The following ULK4 variants were observed in gnomAD, a reference collection of about 807,000 sequenced individuals.
ULK4 encodes unc-51 like kinase 4.
Under a neutral mutation model 160.6 loss-of-function variants are expected in ULK4, and 133 were observed. The observed-to-expected ratio is 0.83, with a 90% CI of 0.72 to 0.96. The LOEUF is 0.96. ULK4 is among the 40% of genes least tolerant of loss of function. The pLI, the probability that ULK4 is intolerant of heterozygous loss-of-function variation, is 0.00. For missense variants in ULK4, 1,580 were observed against 1,499.5 expected, an observed-to-expected ratio of 1.05 and a Z score of -0.89; for synonymous variants, 534 against 539.8, an observed-to-expected ratio of 0.99 and a Z score of 0.15.
At chr3:41,826,520 T>A (rs1291369072) in intron 18 of ULK4, among the ~76,000 whole-genome samples, 2 of 150,792 alleles carry the variant, frequency 1.3e-5, no homozygotes, top group Admixed American at 6.6e-5. Context: ...TAGTCTCTGA[T>A]AAAACAGACT....
At chr3:41,735,327 T>C (rs866486086) in intron 22 of ULK4, among the ~76,000 whole-genome samples, 3 of 152,140 alleles carry the variant, frequency 2.0e-5, no homozygotes, top group Admixed American at 1.3e-4. Flanking sequence ...GGCCCATTTA[T>C]ATTGTGTAAA....
chr3:41,872,807 T>A (rs1697146795), intron 17 of ULK4, among the ~76,000 whole-genome samples: 1 of 151,842 alleles, frequency 6.6e-6, no homozygotes, highest in African/African-American at 2.4e-5. Flanking sequence ...AAACTGCAGT[T>A]GAAAAATTAT....
chr3:41,472,841 G>C (rs1229045149), intron 32 of ULK4, among the ~76,000 whole-genome samples: 1 of 152,126 alleles, frequency 6.6e-6, no homozygotes, highest in African/African-American at 2.4e-5. Flanking sequence ...AAAGGCCACT[G>C]TCTTTGATAA....
chr3:41,900,747 G>A lies in ULK4; in HGVS notation c.1265C>T (p.Thr422Ile), dbSNP rs780769114. The change falls in exon 13 of 37, where the codon ACC (threonine) becomes ATC (isoleucine). Residue 422 changes from threonine to isoleucine, a missense_variant. Coordinates refer to ENST00000301831, the MANE Select transcript of ULK4 (RefSeq NM_017886.4). Reference protein sequence around the residue: ...LIYTDSDLVVTPIIDNPKIMK... With the variant: ...LIYTDSDLVVIPIIDNPKIMK... ...CACCTTTGGATTGTCGATAATGGGG[G>A]TGACAACAAGATCTGAGTCCGTGTA... 17 of 1,613,428 alleles carry A rather than the reference G, an allele frequency of 1.1e-5. No homozygotes were observed. The African/African-American group carries it at 1.9e-4, about 18-fold the overall frequency.
At chr3:41,556,090 C>T (rs1402597034) in intron 32 of ULK4, among the ~76,000 whole-genome samples, 1 of 152,094 alleles carries the variant, frequency 6.6e-6, no homozygotes, top group Non-Finnish European at 1.5e-5. Flanking sequence ...GGCTTAATAC[C>T]TGGCTGATGA....
intron 19 of ULK4, among the ~76,000 whole-genome samples, chr3:41,803,696 T>C (rs1463489587): frequency 1.3e-5 from 2 of 152,156 alleles, no homozygotes; most frequent in African/African-American, 2.4e-5. Context: ...CCATGTGTTC[T>C]CATTGTTCAA....
At chr3:41,840,096 G>C (rs1034005032) in intron 17 of ULK4, among the ~76,000 whole-genome samples, 2 of 152,052 alleles carry the variant, frequency 1.3e-5, no homozygotes, top group South Asian at 4.2e-4. Context: ...TATATGGAAA[G>C]GCAAAAGAAT....
rs58345987 is a variant in ULK4 at position 41,648,281 on chromosome 3, T to C, written c.3071+15326A>G. Among the ~76,000 whole-genome samples, 563 of 152,240 alleles carry C rather than the reference T, an allele frequency of 3.7e-3. 5 individuals are homozygous for C. In the East Asian group the frequency reaches 0.044, roughly 12 times the overall value. On this transcript the variant is annotated intron_variant, in intron 30 of 36. Transcript: ENST00000301831. ...GATGGAAATGCAGAAATCACCGGTC[T>C]TCTGTGTCGCTCACGCTGGGAGCTG...
At chr3:41,418,039 A>AT in intron 34 of ULK4, among the ~76,000 whole-genome samples, 1 of 152,320 alleles carries the variant, frequency 6.6e-6, no homozygotes, top group African/African-American at 2.4e-5. Context: ...AAGCCTTGTT[A>AT]AATTAACCCT....
At chr3:41,675,069 G>T (rs148360988) in intron 29 of ULK4, among the ~76,000 whole-genome samples, 2,869 of 151,896 alleles carry the variant, frequency 0.019, 78 homozygotes, top group African/African-American at 0.066. Flanking sequence ...GTGAAACCCC[G>T]TATCTACTAA....
intron 1 of ULK4, among the ~76,000 whole-genome samples, chr3:41,961,265 C>A (rs1243898115): frequency 6.6e-6 from 1 of 152,166 alleles, no homozygotes; most frequent in Non-Finnish European, 1.5e-5. Context: ...ATCATGACTC[C>A]CGCACCAGAA....
chr3:41,311,576 T>A (rs983197556), intron 35 of ULK4, among the ~76,000 whole-genome samples: 2 of 152,082 alleles, frequency 1.3e-5, no homozygotes, highest in African/African-American at 2.4e-5. Flanking sequence ...TCCTTTTTAT[T>A]TTTATTTTTT....
At chr3:41,479,982 C>A (rs576669848) in intron 32 of ULK4, among the ~76,000 whole-genome samples, 4 of 151,958 alleles carry the variant, frequency 2.6e-5, no homozygotes, top group African/African-American at 9.7e-5. Flanking sequence ...CCAAGGCAGG[C>A]GGATCGAGAG....
chr3:41,345,833 A>C (rs2080787217), intron 35 of ULK4, among the ~76,000 whole-genome samples: 1 of 152,180 alleles, frequency 6.6e-6, no homozygotes, highest in East Asian at 1.9e-4. Context: ...CAAAGTCATG[A>C]ATGCTACAAT....
intron 23 of ULK4, among the ~76,000 whole-genome samples, chr3:41,716,246 T>TAATAAC (rs2037263548): frequency 6.9e-6 from 1 of 144,332 alleles, no homozygotes. Flanking sequence ...ATAATAATAA[T>TAATAAC]AATAATAATA....
At chr3:41,496,024 C>T (rs150864558) in intron 32 of ULK4, among the ~76,000 whole-genome samples, 121 of 152,000 alleles carry the variant, frequency 8.0e-4, no homozygotes, top group African/African-American at 2.6e-3. Flanking sequence ...TGAAATACAA[C>T]ATTAACAAAA....
At chr3:41,536,764 A>C (rs766791615) in intron 32 of ULK4, among the ~76,000 whole-genome samples, 1 of 152,182 alleles carries the variant, frequency 6.6e-6, no homozygotes, top group Non-Finnish European at 1.5e-5. Flanking sequence ...TTTCTGTCTC[A>C]GGGTGGCAGA....
chr3:41,770,227 A>G (rs1196005816), intron 21 of ULK4, among the ~76,000 whole-genome samples: 1 of 152,216 alleles, frequency 6.6e-6, no homozygotes. Flanking sequence ...TACATGCATT[A>G]AATTTCATAG....
intron 23 of ULK4, among the ~76,000 whole-genome samples, chr3:41,716,654 C>T (rs2037278852): frequency 6.6e-6 from 1 of 152,158 alleles, no homozygotes; most frequent in African/African-American, 2.4e-5. Flanking sequence ...ACTAAGTACC[C>T]TCTACTATAA....
Sources: allele counts gnomAD v4.1 joint callset (sites outside exome capture counted in the v4.1 genomes callset), GRCh38; gene constraint gnomAD v4.1.1; transcripts MANE v1.5; gene names NCBI Gene and HGNC (gene_info 2026-07-23, HGNC 2026-07-21).